The following ROBO2 variants were observed in gnomAD, a reference collection of about 807,000 sequenced individuals.
ROBO2 encodes roundabout guidance receptor 2, also known as roundabout homolog 2.
ROBO2 carries 53 observed loss-of-function variants against 160.8 expected under a neutral mutation model. That is an observed-to-expected ratio of 0.33 (90% CI 0.26 to 0.41). The LOEUF (loss-of-function observed/expected upper bound fraction) is 0.41. Ranked by LOEUF, ROBO2 falls within the 10% of genes least tolerant of loss-of-function variation. The pLI, the probability that ROBO2 is intolerant of heterozygous loss-of-function variation, is 1.00. For synonymous variants in ROBO2, 664 were observed against 611.7 expected (o/e 1.09, Z -1.26); for missense variants, 1,577 against 1,722.4 (o/e 0.92, Z 1.49).
At chr3:77,273,459 G>A (rs1021338105) in intron 2 of ROBO2, among the ~76,000 whole-genome samples, 3 of 152,140 alleles carry the variant, frequency 2.0e-5, no homozygotes, top group African/African-American at 7.2e-5. Flanking sequence ...ACGGATCTGA[G>A]TCTTAGATAC....
At chr3:77,286,641 C>T (rs2060622640) in intron 2 of ROBO2, among the ~76,000 whole-genome samples, 2 of 152,118 alleles carry the variant, frequency 1.3e-5, no homozygotes, top group African/African-American at 4.8e-5. Flanking sequence ...CTTATAACCA[C>T]TTTTGTCAGT....
chr3:76,370,581 CAG>C (rs1281182018), intron 2 of ROBO2, among the ~76,000 whole-genome samples: 1 of 151,900 alleles, frequency 6.6e-6, no homozygotes, highest in Admixed American at 6.6e-5. Context: ...AAAGAAACCA[CAG>C]AGTCAAGACT....
intron 2 of ROBO2, among the ~76,000 whole-genome samples, chr3:77,010,839 T>TCC (rs2061842659): frequency 1.6e-5 from 1 of 63,396 alleles, no homozygotes; most frequent in Non-Finnish European, 3.9e-5. Context: ...CCTTCCTCCC[T>TCC]CCCTCCCTCC....
At chr3:77,363,763 G>C (rs543684133) in intron 2 of ROBO2, among the ~76,000 whole-genome samples, 1 of 152,290 alleles carries the variant, frequency 6.6e-6, no homozygotes, top group South Asian at 2.1e-4. Context: ...GAAGAAGGGA[G>C]AAGGGAGAGA....
At chr3:76,635,534 C>G (rs1024044152) in intron 2 of ROBO2, among the ~76,000 whole-genome samples, 4 of 152,156 alleles carry the variant, frequency 2.6e-5, no homozygotes, top group African/African-American at 9.7e-5. Flanking sequence ...GCAGGAGGTA[C>G]TTTGCAAATG....
chr3:76,735,457 G>A (rs945939629), intron 2 of ROBO2, among the ~76,000 whole-genome samples: 2 of 151,956 alleles, frequency 1.3e-5, no homozygotes, highest in African/African-American at 4.8e-5. Flanking sequence ...AAGGCAGCGG[G>A]GCATGGGTTA....
chr3:76,325,764 T>C (rs1283930810), intron 2 of ROBO2, among the ~76,000 whole-genome samples: 3 of 151,488 alleles, frequency 2.0e-5, no homozygotes, highest in African/African-American at 7.3e-5. Flanking sequence ...TAGTCAAGTA[T>C]TCCCTGTGAG....
intron 2 of ROBO2, among the ~76,000 whole-genome samples, chr3:76,000,813 C>CT (rs2065865475): frequency 6.6e-6 from 1 of 152,020 alleles, no homozygotes; most frequent in Non-Finnish European, 1.5e-5. Context: ...ATTAATATCA[C>CT]TATACAACCT....
At chr3:77,516,506 C>T (rs916811267) in intron 5 of ROBO2, among the ~76,000 whole-genome samples, 8 of 151,562 alleles carry the variant, frequency 5.3e-5, no homozygotes, top group African/African-American at 1.5e-4. Context: ...TGTTTTCTCT[C>T]AGTCTTCACA....
At chr3:76,113,770 C>T (rs2070345864) in intron 2 of ROBO2, among the ~76,000 whole-genome samples, 1 of 152,058 alleles carries the variant, frequency 6.6e-6, no homozygotes, top group Admixed American at 6.6e-5. Context: ...AATGTAACCC[C>T]CAACGTTGGA....
intron 2 of ROBO2, among the ~76,000 whole-genome samples, chr3:76,169,036 T>G (rs74616892): frequency 0.032 from 4,883 of 152,194 alleles, 113 homozygotes; most frequent in Non-Finnish European, 0.046. Context: ...TAATCCATTC[T>G]CTTTAAAACT....
At chr3:77,362,190 G>A (rs934170915) in intron 2 of ROBO2, among the ~76,000 whole-genome samples, 3 of 152,170 alleles carry the variant, frequency 2.0e-5, no homozygotes, top group African/African-American at 7.2e-5. Flanking sequence ...TTAAAGCACA[G>A]TGAGGCTGAC....
chr3:76,328,627 G>A (rs890857789), intron 2 of ROBO2, among the ~76,000 whole-genome samples: 2 of 151,794 alleles, frequency 1.3e-5, no homozygotes, highest in Admixed American at 6.6e-5. Flanking sequence ...TTGGGAGGCC[G>A]AGGCGGGTGA....
intron 2 of ROBO2, among the ~76,000 whole-genome samples, chr3:76,830,173 C>T (rs73123370): frequency 0.13 from 19,221 of 152,080 alleles, 1,370 homozygotes; most frequent in East Asian, 0.24. Context: ...ACTGTCCCCC[C>T]CTCCATGCAT....
chr3:76,152,987 A>G (rs1033458408), intron 2 of ROBO2, among the ~76,000 whole-genome samples: 15 of 152,168 alleles, frequency 9.9e-5, no homozygotes, highest in African/African-American at 3.1e-4. Context: ...AATTTAACAT[A>G]TCAGTCTTTG....
chr3:76,412,686 G>A lies in ROBO2; in HGVS notation c.109+475084G>A, dbSNP rs756429918. 6.2e-4 allele frequency among the ~76,000 whole-genome samples: 94 copies of A among 152,214 alleles called. 1 individual carries two copies. The highest frequency in any genetic ancestry group is 1.9e-4 in the East Asian group (1 of 5,180). ...GACTCTAGGTCATGCTGATGGAAGC[G>A]GTGGATTCCCATGGTCTTGCACAGC... On this transcript the variant is annotated intron_variant, in intron 2 of 26. Coordinates refer to the ROBO2 transcript ENST00000487694.
At chr3:76,047,438 A>C (rs2067488167) in intron 2 of ROBO2, among the ~76,000 whole-genome samples, 1 of 152,144 alleles carries the variant, frequency 6.6e-6, no homozygotes, top group Non-Finnish European at 1.5e-5. Flanking sequence ...CCTGCACTCA[A>C]CATGTGTGTG....
chr3:76,708,552 C>T (rs1158200092), intron 2 of ROBO2, among the ~76,000 whole-genome samples: 1 of 152,202 alleles, frequency 6.6e-6, no homozygotes, highest in Non-Finnish European at 1.5e-5. Context: ...AAACAGTACA[C>T]TGTCATCCAG....
At chr3:76,093,156 G>T (rs2069300001) in intron 2 of ROBO2, among the ~76,000 whole-genome samples, 1 of 151,894 alleles carries the variant, frequency 6.6e-6, no homozygotes, top group Non-Finnish European at 1.5e-5. Context: ...TTGTGTTTCT[G>T]TTGTCTTTAT....
Sources: gnomAD v4.1 joint callset for allele counts (sites outside exome capture counted in the v4.1 genomes callset) on GRCh38, gnomAD v4.1.1 for gene constraint, MANE v1.5 for transcripts, NCBI Gene and HGNC (gene_info 2026-07-23, HGNC 2026-07-21) for gene names.